Variants in CPSF4 observed in about 807,000 individuals in gnomAD.
CPSF4 encodes cleavage and polyadenylation specificity factor subunit 4.
CPSF4 carries 11 observed loss-of-function variants against 37.7 expected under a neutral mutation model. The observed-to-expected ratio is 0.29, with a 90% CI of 0.18 to 0.48. CPSF4 has a LOEUF of 0.48. Among genes scored for constraint, CPSF4 ranks in the 20% least tolerant of loss-of-function variants. The probability of loss-of-function intolerance (pLI) is 0.99; values close to 1 mark genes in which losing one functional copy is unlikely to be tolerated. For missense variants in CPSF4, 144 were observed against 359.5 expected, an observed-to-expected ratio of 0.40 and a Z score of 4.85; for synonymous variants, 132 against 135.9, an observed-to-expected ratio of 0.97 and a Z score of 0.20.
chr7:99,456,513 C>G lies in CPSF4; in HGVS notation c.*13C>G. 1 of 1,613,424 alleles carries G rather than the reference C, an allele frequency of 6.2e-7. No individual in the cohort carries two copies. The highest frequency in any genetic ancestry group is 8.5e-7 in the Non-Finnish European group (1 of 1,179,504). ...CAGTGGACAGTGACAGCAGCTGGAGCCAGCTCCGAGCAGCCCGGGGGCCCC... is the reference window on the plus strand; with the variant it reads ...CAGTGGACAGTGACAGCAGCTGGAGGCAGCTCCGAGCAGCCCGGGGGCCCC... On this transcript the variant is annotated 3_prime_UTR_variant, in exon 8 of 8. Transcript: ENST00000292476.
intron 1 of CPSF4, among the ~76,000 whole-genome samples, chr7:99,440,674 A>ATATATATATATATTTTTTTTT: frequency 2.2e-4 from 19 of 88,064 alleles, no homozygotes; most frequent in South Asian, 1.3e-3. Flanking sequence ...ATATATATAT[A>ATATATATATATATTTTTTTTT]TTTTTTTTTT....
intron 1 of CPSF4, among the ~76,000 whole-genome samples, chr7:99,441,984 A>ACCTGG (rs1797029813): frequency 6.6e-6 from 1 of 152,110 alleles, no homozygotes; most frequent in Admixed American, 6.6e-5. Context: ...GAGTCACCGC[A>ACCTGG]CCTGGCCACT....
Position 99,453,693 on chromosome 7 carries a change from C to A in CPSF4, c.571-273C>A. 1 of 398,270 alleles carries A rather than the reference C, an allele frequency of 2.5e-6. No individual in the cohort carries two copies. The highest frequency in any genetic ancestry group is 4.9e-5 in the East Asian group (1 of 20,420). 24.7% of individuals were successfully genotyped at this position (398,270 alleles called of 1,614,324 possible). A position where few individuals can be genotyped will look rare whatever the true frequency, so the allele number is the denominator to read the frequency against. On this transcript the variant is annotated intron_variant, in intron 6 of 7. Coordinates refer to ENST00000292476, the MANE Select transcript of CPSF4 (RefSeq NM_006693.4). This position sits in a 1 kb window ranked among gnomAD's most constrained non-coding sequence, Gnocchi z 4.7. ...AGTAAGGCCTGATCATGCCCTCGCC[C>A]CACTGCCCCAGAGACCTCCTCTTGT...
chr7:99,444,216 G>A (rs1797282985), intron 1 of CPSF4, among the ~76,000 whole-genome samples: 1 of 152,262 alleles, frequency 6.6e-6, no homozygotes, highest in South Asian at 2.1e-4. Context: ...CAGCACTTTG[G>A]GAGGCCGAGG....
intron 1 of CPSF4, among the ~76,000 whole-genome samples, chr7:99,440,029 G>C (rs1796749925): frequency 6.6e-6 from 1 of 152,110 alleles, no homozygotes. Flanking sequence ...TACTTTAAAA[G>C]AAACCAGTAG....
At chr7:99,440,675 T>TATATATATATATATATATG (rs1491236759) in intron 1 of CPSF4, among the ~76,000 whole-genome samples, 1 of 74,874 alleles carries the variant, frequency 1.3e-5, no homozygotes, top group African/African-American at 1.1e-4. Context: ...TATATATATA[T>TATATATATATATATATATG]TTTTTTTTTT....
At chr7:99,441,589 C>A in intron 1 of CPSF4, 1 of 452,916 alleles carries the variant, frequency 2.2e-6, no homozygotes, top group Non-Finnish European at 4.4e-6. Context: ...GCCCATAAGG[C>A]ATACTCATCC....
chr7:99,451,345 G>A (rs187709900), intron 5 of CPSF4, among the ~76,000 whole-genome samples: 6 of 152,328 alleles, frequency 3.9e-5, no homozygotes, highest in Non-Finnish European at 2.9e-5. Flanking sequence ...GGTGGCTCAC[G>A]CCTGTAATCC....
At chr7:99,442,349 C>A (rs924118140) in intron 1 of CPSF4, among the ~76,000 whole-genome samples, 1 of 151,722 alleles carries the variant, frequency 6.6e-6, no homozygotes, top group African/African-American at 2.4e-5. Context: ...CTTTTCTTTT[C>A]TTTTTTATTA....
Position 99,453,883 on chromosome 7 carries a change from C to T in CPSF4, c.571-83C>T. ...CTTCCTGCCGTTTGCGGGACGAGTCCCGCCCTCTTTTTTCCTGTCCCCATC... is the reference window on the plus strand; with the variant it reads ...CTTCCTGCCGTTTGCGGGACGAGTCTCGCCCTCTTTTTTCCTGTCCCCATC... On this transcript the variant is annotated intron_variant, in intron 6 of 7. Transcript: ENST00000292476. The surrounding 1 kb of genome is among the most constrained non-coding windows in gnomAD (Gnocchi z 4.7). The T allele has an allele frequency of 7.3e-7, 1 of 1,379,088 alleles. No homozygotes were observed. The highest frequency in any genetic ancestry group is 1.0e-6 in the Non-Finnish European group (1 of 989,494). 85.4% of individuals were successfully genotyped at this position (1,379,088 alleles called of 1,614,324 possible). A position where few individuals can be genotyped will look rare whatever the true frequency, so the allele number is the denominator to read the frequency against.
chr7:99,453,902 C>A lies in CPSF4; in HGVS notation c.571-64C>A. The A allele has an allele frequency of 6.6e-7, 1 of 1,506,898 alleles. No homozygotes were observed. Among genetic ancestry groups the A allele is most frequent in the Non-Finnish European group, 9.1e-7 (1 of 1,096,226 alleles). The allele number at this position is 1,506,898 out of a possible 1,614,324, so 93.3% of individuals were successfully genotyped here. ...CGAGTCCCGCCCTCTTTTTTCCTGT[C>A]CCCATCGGTAGTCTGCGTGCACGTG... On this transcript the variant is annotated intron_variant, in intron 6 of 7. Transcript: ENST00000292476. This position sits in a 1 kb window ranked among gnomAD's most constrained non-coding sequence, Gnocchi z 4.7.
At position 99,454,048 on chromosome 7, in the gene CPSF4, C is replaced by G. The variant is rs1185133058; in HGVS notation, c.653C>G (p.Thr218Ser). ...SQNSSPNQQR[T>S]PQVIGVMQSQ... ...AACTCTTCTCCCAATCAGCAGAGAA[C>G]CCCGCAGGTCATCGGGGTCATGCAG... is the stretch of plus-strand genomic sequence containing the variant. Residue 218 changes from threonine (T) to serine (S), a missense_variant, in exon 7 of 8, where the codon ACC (threonine) becomes AGC (serine). This residue lies in a region of CPSF4 where 86 missense variants were observed against 141.5 expected (regional missense o/e 0.61). Transcript: ENST00000292476. 6.2e-7 allele frequency: 1 copy of G among 1,614,114 alleles called. No individual in the cohort carries two copies. Among genetic ancestry groups the G allele is most frequent in the African/African-American group, 1.3e-5 (1 of 74,958 alleles).
At chr7:99,447,653 G>C (rs1197640784) in intron 2 of CPSF4, 2 of 220,326 alleles carry the variant, frequency 9.1e-6, no homozygotes, top group South Asian at 4.7e-5. Flanking sequence ...GCAGTGGCGC[G>C]ATCTCTGCTC....
chr7:99,454,805 T>C (rs3779354), intron 7 of CPSF4, among the ~76,000 whole-genome samples: 27,663 of 151,930 alleles, frequency 0.18, 4,081 homozygotes, highest in African/African-American at 0.39. Flanking sequence ...GTGGCAGGAG[T>C]AACCCCCAGT....
Position 99,453,992 on chromosome 7 carries a change from G to A in CPSF4, c.597G>A (p.Arg199=). The part of the protein sequence containing the change: ...AKQSNNPPLQ[R]SSSLIQLTSQ... Reference sequence around the variant, plus strand: ...AAAGTAACAATCCGCCATTACAAAGGTCGTCCTCCTTGATCCAGTTAACGA... The same window carrying A: ...AAAGTAACAATCCGCCATTACAAAGATCGTCCTCCTTGATCCAGTTAACGA... The change falls in exon 7 of 8, where the codon AGG becomes AGA. Residue 199 remains arginine (R), a synonymous_variant. Transcript: ENST00000292476. The surrounding 1 kb of genome is among the most constrained non-coding windows in gnomAD (Gnocchi z 4.7). 6.2e-7 allele frequency: 1 copy of A among 1,614,092 alleles called. No individual in the cohort carries two copies. Among genetic ancestry groups the A allele is most frequent in the South Asian group, 1.1e-5 (1 of 91,064 alleles).
At chr7:99,440,609 G>A (rs1320779300) in intron 1 of CPSF4, among the ~76,000 whole-genome samples, 2 of 142,690 alleles carry the variant, frequency 1.4e-5, no homozygotes, top group Non-Finnish European at 3.0e-5. Flanking sequence ...CTTTTACCTC[G>A]GCCTTCGGAA....
chr7:99,448,499 T>G lies in CPSF4; in HGVS notation c.307+226T>G. The stretch of plus-strand genomic sequence containing the variant: ...TTTTTTTAAAGACATAGGGTCTCGC[T>G]ATGTTTCACATACTGGTCTTGAACT... On this transcript the variant is annotated intron_variant, in intron 3 of 7. Coordinates refer to ENST00000292476, the MANE Select transcript of CPSF4 (RefSeq NM_006693.4). This position sits in a 1 kb window ranked among gnomAD's most constrained non-coding sequence, Gnocchi z 4.4. 1 of 476,094 alleles carries G rather than the reference T, an allele frequency of 2.1e-6. No homozygotes were observed. The highest frequency in any genetic ancestry group is 3.7e-6 in the Non-Finnish European group (1 of 269,454). The allele number at this position is 476,094 out of a possible 1,614,324, so 29.5% of individuals were successfully genotyped here. A position where few individuals can be genotyped will look rare whatever the true frequency, so the allele number is the denominator to read the frequency against.
At chr7:99,446,351 CAA>C (rs1416563772) in intron 2 of CPSF4, among the ~76,000 whole-genome samples, 1 of 152,196 alleles carries the variant, frequency 6.6e-6, no homozygotes, top group African/African-American at 2.4e-5. Context: ...ACATTTAAAA[CAA>C]AATTCTCAGA....
In CPSF4 at chr7:99,448,320, G is replaced by A. The variant is rs1384649531; in HGVS notation, c.307+47G>A. 30 of 1,603,856 alleles carry A rather than the reference G, an allele frequency of 1.9e-5. No homozygotes were observed. The highest frequency in any genetic ancestry group is 2.6e-5 in the Non-Finnish European group (30 of 1,174,606). On this transcript the variant is annotated intron_variant, in intron 3 of 7. Transcript: ENST00000292476. The surrounding 1 kb of genome is among the most constrained non-coding windows in gnomAD (Gnocchi z 4.4). ...AGGCTCTGCTGAGAACCAGGGTGCA[G>A]AGGGGTCCGCTGGCTGCTCAGTGCC... is the stretch of plus-strand genomic sequence containing the variant.
Sources: allele counts gnomAD v4.1 joint callset (sites outside exome capture counted in the v4.1 genomes callset), GRCh38; gene constraint gnomAD v4.1.1; regional missense constraint gnomAD v4.1.1; non-coding constraint Gnocchi (gnomAD v3.1); transcripts MANE v1.5; gene names NCBI Gene and HGNC (gene_info 2026-07-23, HGNC 2026-07-21).